The following CSMD1 variants were observed in gnomAD, a reference collection of about 807,000 sequenced individuals.
CSMD1 encodes CUB and sushi domain-containing protein 1.
CSMD1 carries 213 observed loss-of-function variants against 417.5 expected under a neutral mutation model. The observed-to-expected ratio is 0.51, with a 90% CI of 0.46 to 0.57. The LOEUF (loss-of-function observed/expected upper bound fraction) is 0.57, where lower values mean the gene tolerates loss of function less well. CSMD1 is among the 20% of genes least tolerant of loss of function. The pLI is 0.00. For synonymous variants in CSMD1, 2,862 were observed against 1,736.8 expected (o/e 1.65, Z -16.11); for missense variants, 6,923 against 4,529.7 (o/e 1.53, Z -15.17).
At chr8:3,376,180 T>C (rs1810290564) in intron 18 of CSMD1, among the ~76,000 whole-genome samples, 1 of 152,084 alleles carries the variant, frequency 6.6e-6, no homozygotes, top group South Asian at 2.1e-4. Flanking sequence ...CAAAAATACT[T>C]ATTTAATAAA....
chr8:3,273,201 T>C (rs540564085), intron 26 of CSMD1, among the ~76,000 whole-genome samples: 1 of 151,016 alleles, frequency 6.6e-6, no homozygotes, highest in Admixed American at 6.6e-5. Context: ...ATGTGGTTTT[T>C]GTCTTTGGTT....
At chr8:4,336,086 T>C (rs1330760542) in intron 3 of CSMD1, among the ~76,000 whole-genome samples, 2 of 152,118 alleles carry the variant, frequency 1.3e-5, no homozygotes, top group African/African-American at 2.4e-5. Flanking sequence ...GACAATCCAC[T>C]AATTGATGAG....
In CSMD1 at chr8:3,896,534, C is replaced by T. The variant is rs188973446; in HGVS notation, c.818+101369G>A. On this transcript the variant is annotated intron_variant, in intron 5 of 69. Transcript: ENST00000635120. Reference sequence around the variant, plus strand: ...TATTATTATTATTATTATTTTGAGACAGAGTCTCGCTCTGTCACCCAGGCT... The same window carrying T: ...TATTATTATTATTATTATTTTGAGATAGAGTCTCGCTCTGTCACCCAGGCT... Among the ~76,000 whole-genome samples, 1,163 of 151,794 alleles carry T rather than the reference C, an allele frequency of 7.7e-3. 15 individuals are homozygous for T. Among genetic ancestry groups the T allele is most frequent in the African/African-American group, 0.025 (1,049 of 41,368 alleles).
chr8:3,343,644 C>G (rs1807803072), intron 22 of CSMD1, among the ~76,000 whole-genome samples, 194 bp from the exon 23 acceptor site: 1 of 152,172 alleles, frequency 6.6e-6, no homozygotes, highest in African/African-American at 2.4e-5. Flanking sequence ...TTACCATTAA[C>G]ACTGGAGGCA....
chr8:4,123,323 G>A (rs1314407732), intron 3 of CSMD1, among the ~76,000 whole-genome samples: 1 of 152,304 alleles, frequency 6.6e-6, no homozygotes, highest in Non-Finnish European at 1.5e-5. Context: ...TGGAGCAGAT[G>A]CATGCCAATT....
At chr8:3,276,082 G>A (rs1251499844) in intron 26 of CSMD1, among the ~76,000 whole-genome samples, 1 of 152,174 alleles carries the variant, frequency 6.6e-6, no homozygotes. Context: ...GGTCTTTGAT[G>A]CTGTTGATGT....
chr8:4,787,937 T>C (rs1426532567), intron 1 of CSMD1: 1 of 1,593,610 alleles, frequency 6.3e-7, no homozygotes, highest in Non-Finnish European at 8.6e-7. Context: ...CTGATGTAAT[T>C]GACAATGATT....
At position 3,089,332 on chromosome 8, in the gene CSMD1, A is replaced by G. The variant is rs192904165; in HGVS notation, c.7286-2047T>C. 2.6e-3 allele frequency among the ~76,000 whole-genome samples: 395 copies of G among 152,370 alleles called. 1 individual carries two copies. Among genetic ancestry groups the G allele is most frequent in the African/African-American group, 9.2e-3 (383 of 41,582 alleles). ...TGTACTTTCAACCCGCCCAATACAG[A>G]AGCTTTCATTTGCTTCTCATAGTAT... On this transcript the variant is annotated intron_variant, in intron 48 of 69. Coordinates refer to ENST00000635120, the MANE Select transcript of CSMD1 (RefSeq NM_033225.6).
Position 4,191,999 on chromosome 8 carries a change from G to A in CSMD1, c.416-159900C>T, listed in dbSNP as rs528254948. 8.5e-5 allele frequency among the ~76,000 whole-genome samples: 13 copies of A among 152,236 alleles called. No individual in the cohort carries two copies. The East Asian group carries it at 2.3e-3, about 27-fold the overall frequency. The stretch of plus-strand genomic sequence containing the variant: ...GAACACGTCCCTAAGGATTTCACTC[G>A]AAATATGCAAGCTTCCCGCTGTTGC... On this transcript the variant is annotated intron_variant, in intron 3 of 69. Transcript: ENST00000635120.
At chr8:3,512,269 G>T (rs574056024) in intron 10 of CSMD1, among the ~76,000 whole-genome samples, 5 of 152,170 alleles carry the variant, frequency 3.3e-5, no homozygotes, top group Non-Finnish European at 7.3e-5. Flanking sequence ...TTCAGGGATG[G>T]ACTGGAAGCA....
rs948021654 is a variant in CSMD1, at chr8:3,455,116, C to T, written c.1561+13596G>A. On this transcript the variant is annotated intron_variant, in intron 12 of 69. Coordinates refer to ENST00000635120, the MANE Select transcript of CSMD1 (RefSeq NM_033225.6). ...CTATCGATCGAATCGGCTACTGAGG[C>T]TTGTGCATTCATCAGGTAGTTCTCC... is the stretch of plus-strand genomic sequence containing the variant. 2.0e-5 allele frequency among the ~76,000 whole-genome samples: 3 copies of T among 152,178 alleles called. No individual in the cohort carries two copies. In the East Asian group the frequency reaches 5.8e-4, roughly 29 times the overall value.
In CSMD1 at chr8:3,608,501, C is replaced by T. The variant is rs1365740481; in HGVS notation, c.1097+8209G>A. On this transcript the variant is annotated intron_variant, in intron 8 of 69. Coordinates refer to ENST00000635120, the MANE Select transcript of CSMD1 (RefSeq NM_033225.6). The stretch of plus-strand genomic sequence containing the variant: ...AAATATGGCTGGGCGCTGTGGCTCA[C>T]GCCTGTAATCCCAGCACTTAGGGAG... Among the ~76,000 whole-genome samples, 4 of 152,024 alleles carry T rather than the reference C, an allele frequency of 2.6e-5. No individual in the cohort carries two copies. The East Asian group carries it at 7.8e-4, about 30-fold the overall frequency.
intron 3 of CSMD1, among the ~76,000 whole-genome samples, chr8:4,226,531 T>C (rs2128811157): frequency 6.6e-6 from 1 of 152,298 alleles, no homozygotes; most frequent in Non-Finnish European, 1.5e-5. Flanking sequence ...ACAATTAGCC[T>C]TGATCCTAAA....
intron 5 of CSMD1, among the ~76,000 whole-genome samples, chr8:3,880,558 T>C (rs2930343): frequency 0.033 from 5,060 of 152,276 alleles, 286 homozygotes; most frequent in African/African-American, 0.12. Flanking sequence ...CTCAGTAGCA[T>C]TGTGAATAGC....
chr8:3,696,161 T>G (rs959466277), intron 7 of CSMD1, among the ~76,000 whole-genome samples: 2 of 152,236 alleles, frequency 1.3e-5, no homozygotes, highest in African/African-American at 4.8e-5. Context: ...TGAACGTATC[T>G]TCTTCGGATG....
intron 7 of CSMD1, among the ~76,000 whole-genome samples, chr8:3,630,207 G>A (rs544940211): frequency 1.3e-5 from 2 of 152,318 alleles, no homozygotes; most frequent in African/African-American, 2.4e-5. Context: ...CTGGGAGGGA[G>A]AAATTAATAG....
rs17079349 is a variant in CSMD1 at position 3,104,642 on chromosome 8, G to T, written c.6949+1886C>A. Among the ~76,000 whole-genome samples the T allele has an allele frequency of 1.9e-3, 286 of 151,690 alleles. 6 individuals carry two copies. In the East Asian group the frequency reaches 0.041, roughly 22 times the overall value. On this transcript the variant is annotated intron_variant, in intron 46 of 69. Transcript: ENST00000635120. ...GTAGAAGACTGTTTCTCTCTTTCAG[G>T]GTGCCTGGAATCCTGCCTCATTCCA...
At chr8:4,284,565 A>G (rs967286080) in intron 3 of CSMD1, among the ~76,000 whole-genome samples, 1 of 152,116 alleles carries the variant, frequency 6.6e-6, no homozygotes, top group African/African-American at 2.4e-5. Flanking sequence ...CCCAACGTTT[A>G]TTGGGCAGTC....
intron 2 of CSMD1, among the ~76,000 whole-genome samples, chr8:4,464,534 G>T (rs927160463): frequency 6.6e-6 from 1 of 151,944 alleles, no homozygotes. Flanking sequence ...ATTCAATATT[G>T]AACTAAAAGT....
Sources: gnomAD v4.1 joint callset for allele counts (sites outside exome capture counted in the v4.1 genomes callset) on GRCh38, gnomAD v4.1.1 for gene constraint, MANE v1.5 for transcripts, NCBI Gene and HGNC (gene_info 2026-07-23, HGNC 2026-07-21) for gene names.